Variants in RBFOX1 observed in about 807,000 individuals in gnomAD.
RBFOX1 encodes RNA binding protein fox-1 homolog 1.
A neutral mutation model predicts 57.7 loss-of-function variants in RBFOX1; 8 were observed. The observed-to-expected ratio is 0.14, with a 90% CI of 0.08 to 0.25. The LOEUF (loss-of-function observed/expected upper bound fraction) is 0.25. Ranked by LOEUF, RBFOX1 falls within the 10% of genes least tolerant of loss-of-function variation. The pLI is 1.00. For synonymous variants in RBFOX1, 326 were observed against 222.4 expected (o/e 1.47, Z -4.15); for missense variants, 611 against 548.5 (o/e 1.11, Z -1.14).
At chr16:7,330,290 A>C (rs1475040585) in intron 4 of RBFOX1, among the ~76,000 whole-genome samples, 1 of 152,052 alleles carries the variant, frequency 6.6e-6, no homozygotes, top group African/African-American at 2.4e-5. Context: ...CTGAAGCCTA[A>C]TACAATGTAA....
intron 4 of RBFOX1, among the ~76,000 whole-genome samples, chr16:7,092,432 G>A (rs1352813697): frequency 6.6e-6 from 1 of 152,188 alleles, no homozygotes; most frequent in Non-Finnish European, 1.5e-5. Flanking sequence ...TTTGTAACCT[G>A]CTTTTATCAC....
At chr16:7,625,225 G>A (rs565776080) in intron 10 of RBFOX1, among the ~76,000 whole-genome samples, 2 of 152,222 alleles carry the variant, frequency 1.3e-5, no homozygotes, top group Admixed American at 6.5e-5. Flanking sequence ...ATTAAACTGG[G>A]CACAGGTGGT....
chr16:6,839,898 T>G (rs184106338), intron 3 of RBFOX1, among the ~76,000 whole-genome samples: 47 of 152,324 alleles, frequency 3.1e-4, no homozygotes, highest in Middle Eastern at 6.8e-3. Flanking sequence ...TCTCTCGATT[T>G]CTTAACTTTC....
At chr16:7,089,057 C>T (rs993792022) in intron 4 of RBFOX1, among the ~76,000 whole-genome samples, 1 of 152,188 alleles carries the variant, frequency 6.6e-6, no homozygotes, top group South Asian at 2.1e-4. Flanking sequence ...CCTTGCCCCT[C>T]AGTGAGCCTT....
chr16:7,527,275 C>A (rs1409277470), intron 5 of RBFOX1, among the ~76,000 whole-genome samples: 1 of 152,076 alleles, frequency 6.6e-6, no homozygotes, highest in African/African-American at 2.4e-5. Context: ...AATACATGGC[C>A]CTTGGCTTTC....
intron 2 of RBFOX1, among the ~76,000 whole-genome samples, chr16:5,540,931 C>A (rs1206605577): frequency 1.3e-5 from 2 of 151,704 alleles, no homozygotes; most frequent in African/African-American, 4.8e-5. Flanking sequence ...CTCACTGCAA[C>A]CTCCACCTCC....
chr16:6,246,625 A>G lies in RBFOX1; in HGVS notation c.-126-70370A>G, dbSNP rs114746021. Among the ~76,000 whole-genome samples the G allele has an allele frequency of 8.5e-3, 1,289 of 152,302 alleles. 20 individuals are homozygous for G. The highest frequency in any genetic ancestry group is 0.029 in the African/African-American group (1,206 of 41,570). Reference sequence around the variant, plus strand: ...GGGTGATTCCACCAGAAGAGAGAAAATGAGAAAATATGCCAGGATGCAAAA... The same window carrying G: ...GGGTGATTCCACCAGAAGAGAGAAAGTGAGAAAATATGCCAGGATGCAAAA... On this transcript the variant is annotated intron_variant, in intron 1 of 15. Coordinates refer to ENST00000550418, the MANE Select transcript of RBFOX1 (RefSeq NM_018723.4).
intron 4 of RBFOX1, among the ~76,000 whole-genome samples, chr16:7,215,751 G>A (rs1480948814): frequency 3.5e-5 from 5 of 143,938 alleles, no homozygotes; most frequent in Non-Finnish European, 7.5e-5. Flanking sequence ...TTGAGACGGA[G>A]TCTTGCTCTG....
At chr16:7,692,275 C>G (rs959847972) in intron 14 of RBFOX1, among the ~76,000 whole-genome samples, 3 of 152,072 alleles carry the variant, frequency 2.0e-5, no homozygotes, top group African/African-American at 4.8e-5. Context: ...GTAGAAATGA[C>G]TAGAATTTAA....
chr16:7,447,549 G>C (rs1490997218), intron 4 of RBFOX1, among the ~76,000 whole-genome samples: 1 of 151,830 alleles, frequency 6.6e-6, no homozygotes, highest in Non-Finnish European at 1.5e-5. Context: ...TGAAGCCTAA[G>C]CCCAGTCACC....
At chr16:7,053,390 C>T (rs1367897911) in intron 4 of RBFOX1, among the ~76,000 whole-genome samples, 1 of 152,152 alleles carries the variant, frequency 6.6e-6, no homozygotes, top group African/African-American at 2.4e-5. Context: ...AACTGTCTTA[C>T]TGCTTTTTTC....
rs114795888 is a variant in RBFOX1 at position 5,582,719 on chromosome 16, G to A, written c.259-16183G>A. 9.3e-3 allele frequency among the ~76,000 whole-genome samples: 1,411 copies of A among 152,030 alleles called. 28 individuals carry two copies. The highest frequency in any genetic ancestry group is 0.032 in the African/African-American group (1,319 of 41,444). ...GCATGAGCCATCACACCCACGCTCGGCTAATCAAAGCCCATCATCTCAACC... is the reference window on the plus strand; with the variant it reads ...GCATGAGCCATCACACCCACGCTCGACTAATCAAAGCCCATCATCTCAACC... On this transcript the variant is annotated intron_variant, in intron 2 of 2. Coordinates refer to the RBFOX1 transcript ENST00000585867.
intron 10 of RBFOX1, 124 bp from the exon 11 acceptor site, chr16:7,630,479 G>T (rs2060774306): frequency 6.5e-7 from 1 of 1,530,526 alleles, no homozygotes; most frequent in Non-Finnish European, 8.7e-7. Context: ...GGGTACCCTT[G>T]TCCTGCGCTC....
intron 3 of RBFOX1, among the ~76,000 whole-genome samples, chr16:6,806,071 G>A (rs1445977842): frequency 6.6e-6 from 1 of 152,178 alleles, no homozygotes; most frequent in Non-Finnish European, 1.5e-5. Flanking sequence ...GCAGCTTGGA[G>A]AAGTATATGG....
rs572195170 is a variant in RBFOX1, at chr16:6,220,377, C to T, written c.-126-96618C>T. ...ATTCTTTAAGACTCCTTTAACACAA[C>T]CTGTTGGATTTAGAAGACTCCACTG... On this transcript the variant is annotated intron_variant, in intron 1 of 15. Coordinates refer to ENST00000550418, the MANE Select transcript of RBFOX1 (RefSeq NM_018723.4). 7.9e-4 allele frequency among the ~76,000 whole-genome samples: 120 copies of T among 152,194 alleles called. 1 individual carries two copies. Among genetic ancestry groups the T allele is most frequent in the South Asian group, 1.9e-3 (9 of 4,822 alleles).
chr16:6,686,772 C>G (rs1382908113), intron 3 of RBFOX1, among the ~76,000 whole-genome samples: 4 of 152,178 alleles, frequency 2.6e-5, no homozygotes, highest in African/African-American at 9.6e-5. Flanking sequence ...TCCCCCATTA[C>G]ACACACCCAA....
chr16:6,643,986 C>T lies in RBFOX1; in HGVS notation c.-63-10617C>T, dbSNP rs151141051. 8.9e-3 allele frequency among the ~76,000 whole-genome samples: 1,347 copies of T among 152,156 alleles called. 15 individuals are homozygous for T. Among genetic ancestry groups the T allele is most frequent in the Admixed American group, 0.013 (203 of 15,286 alleles). ...ACTAAAAATAAAAAAAATAGCCAGA[C>T]GTGGTAGCATGCACCTGTAATCCCA... On this transcript the variant is annotated intron_variant, in intron 2 of 15. Coordinates refer to ENST00000550418, the MANE Select transcript of RBFOX1 (RefSeq NM_018723.4).
At chr16:6,484,482 TC>T (rs2095431776) in intron 2 of RBFOX1, among the ~76,000 whole-genome samples, 1 of 152,168 alleles carries the variant, frequency 6.6e-6, no homozygotes, top group Non-Finnish European at 1.5e-5. Flanking sequence ...AGAGTTGCCT[TC>T]TTCTGAGATC....
chr16:5,256,112 A>G (rs992771741), intron 1 of RBFOX1, among the ~76,000 whole-genome samples: 4 of 152,162 alleles, frequency 2.6e-5, no homozygotes, highest in African/African-American at 9.7e-5. Context: ...ACAGGTGCTA[A>G]GTTTTGCAGG....
Sources: allele counts gnomAD v4.1 joint callset (sites outside exome capture counted in the v4.1 genomes callset), GRCh38; gene constraint gnomAD v4.1.1; transcripts MANE v1.5; gene names NCBI Gene and HGNC (gene_info 2026-07-23, HGNC 2026-07-21).